MED13L: variants seen among roughly 807,000 people sequenced by gnomAD.
The protein encoded by MED13L is mediator of RNA polymerase II transcription subunit 13-like.
Under a neutral mutation model 220.9 loss-of-function variants are expected in MED13L, and 7 were observed. That is an observed-to-expected ratio of 0.03 (90% confidence interval 0.02 to 0.06). MED13L has a LOEUF of 0.06. Among genes scored for constraint, MED13L ranks in the 10% least tolerant of loss-of-function variants. The probability of loss-of-function intolerance (pLI) is 1.00; values close to 1 mark genes in which losing one functional copy is unlikely to be tolerated. For missense variants in MED13L, 1,965 were observed against 2,760.5 expected (o/e 0.71, Z 6.46); for synonymous variants, 1,011 against 1,015.2 (o/e 1.00, Z 0.08).
intron 1 of MED13L, among the ~76,000 whole-genome samples, chr12:116,247,631 T>C (rs1378994875): frequency 2.0e-5 from 3 of 152,186 alleles, no homozygotes; most frequent in African/African-American, 7.2e-5. Flanking sequence ...TTCCATGTTA[T>C]GAGAAATACA....
chr12:116,250,087 A>G (rs1462304533), intron 1 of MED13L, among the ~76,000 whole-genome samples: 2 of 150,896 alleles, frequency 1.3e-5, no homozygotes, highest in African/African-American at 2.4e-5. Flanking sequence ...TGTAAAAACC[A>G]GTGATAAAAA....
intron 2 of MED13L, among the ~76,000 whole-genome samples, chr12:116,182,957 CTGTT>C (rs779621166): frequency 1.1e-4 from 16 of 152,220 alleles, no homozygotes; most frequent in Middle Eastern, 3.4e-3. Flanking sequence ...AGGTGAAAGA[CTGTT>C]TTAGTAACCA....
chr12:116,228,583 A>G (rs974455827), intron 2 of MED13L, among the ~76,000 whole-genome samples: 29 of 152,096 alleles, frequency 1.9e-4, no homozygotes, highest in Non-Finnish European at 1.5e-5. Context: ...TCCTAAGAAA[A>G]CCCTAGTTTT....
At chr12:116,260,812 A>T (rs1238963563) in intron 1 of MED13L, among the ~76,000 whole-genome samples, 1 of 152,204 alleles carries the variant, frequency 6.6e-6, no homozygotes. Flanking sequence ...ATTTGAAATT[A>T]ATATAAACAA....
At chr12:116,254,862 T>C (rs1055589713) in intron 1 of MED13L, among the ~76,000 whole-genome samples, 3 of 152,200 alleles carry the variant, frequency 2.0e-5, no homozygotes, top group Admixed American at 6.5e-5. Context: ...CAGATCTATA[T>C]ACTAAGAACT....
chr12:116,218,982 C>T (rs1207374857), intron 2 of MED13L, among the ~76,000 whole-genome samples: 1 of 152,114 alleles, frequency 6.6e-6, no homozygotes, highest in Non-Finnish European at 1.5e-5. Context: ...GTAATCCGCC[C>T]ACCTTGGCCT....
chr12:116,188,767 C>A (rs1017864052), intron 2 of MED13L, among the ~76,000 whole-genome samples: 1 of 152,108 alleles, frequency 6.6e-6, no homozygotes, highest in Non-Finnish European at 1.5e-5. Flanking sequence ...CCGACAACTA[C>A]TAATTTTGCT....
intron 1 of MED13L, among the ~76,000 whole-genome samples, chr12:116,265,157 C>T (rs1565957184): frequency 6.6e-6 from 1 of 152,154 alleles, no homozygotes; most frequent in Non-Finnish European, 1.5e-5. Flanking sequence ...CTCCTTACAC[C>T]TCTCCCCTTC....
intron 2 of MED13L, among the ~76,000 whole-genome samples, chr12:116,214,993 A>G (rs541049128): frequency 6.6e-6 from 1 of 152,298 alleles, no homozygotes; most frequent in African/African-American, 2.4e-5. Flanking sequence ...GGGCACCCTT[A>G]AATTTACAAA....
At chr12:116,174,339 A>G (rs1473285272) in intron 2 of MED13L, among the ~76,000 whole-genome samples, 2 of 152,198 alleles carry the variant, frequency 1.3e-5, no homozygotes, top group Non-Finnish European at 2.9e-5. Flanking sequence ...AGGGTAAATG[A>G]TAATTCTAAG....
intron 1 of MED13L, among the ~76,000 whole-genome samples, chr12:116,263,810 T>G (rs1176765322): frequency 1.3e-5 from 2 of 152,152 alleles, no homozygotes; most frequent in East Asian, 1.9e-4. Flanking sequence ...TTAGGATAAT[T>G]TGCCTTGATC....
intron 4 of MED13L, among the ~76,000 whole-genome samples, chr12:116,036,833 A>T (rs1881222794): frequency 6.6e-6 from 1 of 152,152 alleles, no homozygotes; most frequent in Non-Finnish European, 1.5e-5. Context: ...AGGTATACTG[A>T]GTTTTCTTTT....
intron 1 of MED13L, among the ~76,000 whole-genome samples, chr12:116,271,040 CAAAAAAAAAAAAAAAA>C (rs58162276): frequency 3.3e-5 from 1 of 30,090 alleles, no homozygotes; most frequent in Non-Finnish European, 5.8e-5. Context: ...GACTCCGTCT[CAAAAAAAAAAAAAAAA>C]AAAAAAAAAA....
At chr12:116,089,001 A>C (rs1323453898) in intron 4 of MED13L, among the ~76,000 whole-genome samples, 1 of 152,202 alleles carries the variant, frequency 6.6e-6, no homozygotes, top group Non-Finnish European at 1.5e-5. Context: ...AAAATCTGTA[A>C]GCAATTATTG....
At chr12:115,986,973 GATT>G in intron 18 of MED13L, 133 bp downstream of exon 18, 1 of 923,892 alleles carries the variant, frequency 1.1e-6, no homozygotes, top group Non-Finnish European at 1.6e-6. Flanking sequence ...AAAACAAAGA[GATT>G]ATAAAACTAA....
chr12:115,991,740 C>G lies in MED13L; in HGVS notation c.3214G>C (p.Val1072Leu). The stretch of plus-strand genomic sequence containing the variant: ...CCTTGATCGGTGCTATCATACTTAA[C>G]AGACCCTTGACCACTGGCAGTGCCC... ...GGGTASGQGS[V>L]KYDSTDQGSP... Residue 1072 changes from valine to leucine, a missense_variant, in exon 17 of 31, where the codon GTT becomes CTT. Coordinates refer to ENST00000281928, the MANE Select transcript of MED13L (RefSeq NM_015335.5). The surrounding 1 kb of genome is among the most constrained non-coding windows in gnomAD (Gnocchi z 7.7). 6.2e-7 allele frequency: 1 copy of G among 1,613,940 alleles called. No individual in the cohort carries two copies. The highest frequency in any genetic ancestry group is 8.5e-7 in the Non-Finnish European group (1 of 1,179,926).
At chr12:116,060,633 C>T (rs1290347126) in intron 4 of MED13L, among the ~76,000 whole-genome samples, 1 of 151,004 alleles carries the variant, frequency 6.6e-6, no homozygotes, top group Admixed American at 6.6e-5. Flanking sequence ...GACAATGATT[C>T]TGTACACTTT....
chr12:116,139,302 A>G (rs1359699144), intron 2 of MED13L, among the ~76,000 whole-genome samples: 1 of 152,212 alleles, frequency 6.6e-6, no homozygotes, highest in African/African-American at 2.4e-5. Context: ...CAGCAATTCA[A>G]TGATGATTGA....
In MED13L at chr12:116,269,247, C is replaced by T. The variant is rs369957357; in HGVS notation, c.72+7813G>A. ...CTACTTTTTGTATTTTCAGTAGAGA[C>T]GGGGTTTCACCAAGTTGGCCAGGAT... On this transcript the variant is annotated intron_variant, in intron 1 of 30. Coordinates refer to ENST00000281928, the MANE Select transcript of MED13L (RefSeq NM_015335.5). 5.3e-5 allele frequency among the ~76,000 whole-genome samples: 8 copies of T among 151,912 alleles called. 1 individual carries two copies. The South Asian group carries it at 1.5e-3, about 28-fold the overall frequency.
Sources: allele counts gnomAD v4.1 joint callset (sites outside exome capture counted in the v4.1 genomes callset), GRCh38; gene constraint gnomAD v4.1.1; non-coding constraint Gnocchi (gnomAD v3.1); transcripts MANE v1.5; gene names NCBI Gene and HGNC (gene_info 2026-07-23, HGNC 2026-07-21).